The following PRPF38B variants were observed in gnomAD, a reference collection of about 807,000 sequenced individuals.
PRPF38B encodes pre-mRNA-splicing factor 38B.
PRPF38B carries 18 observed loss-of-function variants against 67.2 expected under a neutral mutation model. The observed-to-expected ratio is 0.27, with a 90% CI of 0.19 to 0.40. The LOEUF (loss-of-function observed/expected upper bound fraction) is 0.40. PRPF38B is among the 10% of genes least tolerant of loss of function. The pLI is 1.00. For synonymous variants in PRPF38B, 246 were observed against 234.2 expected (o/e 1.05, Z -0.46); for missense variants, 544 against 684.9 (o/e 0.79, Z 2.30).
rs146753410 is a variant in PRPF38B at position 108,695,170 on chromosome 1, T to G, written c.277-532T>G. The stretch of plus-strand genomic sequence containing the variant: ...TAACTCGTTACTGTTTTAGAAAATT[T>G]TCTTCAAGTAATTTTCCTTAATTTT... On this transcript the variant is annotated intron_variant, in intron 1 of 5. Coordinates refer to ENST00000370025, the MANE Select transcript of PRPF38B (RefSeq NM_018061.4). Among the ~76,000 whole-genome samples, 19 of 152,350 alleles carry G rather than the reference T, an allele frequency of 1.2e-4. 2 individuals are homozygous for G. Among genetic ancestry groups the G allele is most frequent in the African/African-American group, 4.6e-4 (19 of 41,598 alleles).
intron 1 of PRPF38B, 33 bp downstream of exon 1, chr1:108,692,900 A>T: frequency 6.3e-7 from 1 of 1,585,222 alleles, no homozygotes; most frequent in South Asian, 1.1e-5. Flanking sequence ...CTTTGGGGGT[A>T]AGTTCGGAAG....
chr1:108,700,392 T>C lies in PRPF38B; in HGVS notation c.*372T>C, dbSNP rs1660359136. 5.8e-6 allele frequency: 1 copy of C among 172,388 alleles called. No homozygotes were observed. Among genetic ancestry groups the C allele is most frequent in the Admixed American group, 5.7e-5 (1 of 17,540 alleles). The allele number at this position is 172,388 out of a possible 1,614,324, so 10.7% of individuals were successfully genotyped here. A position where few individuals can be genotyped will look rare whatever the true frequency, so the allele number is the denominator to read the frequency against. On this transcript the variant is annotated 3_prime_UTR_variant, in exon 6 of 6. Coordinates refer to ENST00000370025, the MANE Select transcript of PRPF38B (RefSeq NM_018061.4). The stretch of plus-strand genomic sequence containing the variant: ...TTTTTGTTTTGTAGGTGTGGGATTA[T>C]GGTTTGTGTACTGAAGTTAGCATGG...
In PRPF38B at chr1:108,700,204, C is replaced by A; in HGVS notation, c.*184C>A. The A allele has an allele frequency of 1.8e-6, 2 of 1,081,436 alleles. No individual in the cohort carries two copies. Among genetic ancestry groups the A allele is most frequent in the Non-Finnish European group, 2.5e-6 (2 of 805,306 alleles). 67.0% of individuals were successfully genotyped at this position (1,081,436 alleles called of 1,614,324 possible). On this transcript the variant is annotated 3_prime_UTR_variant, in exon 6 of 6. Transcript: ENST00000370025. ...CATTTATTGCATTGGTGTTTTCACC[C>A]AATTGTTAAGTTTGATACATGATGC...
At chr1:108,698,519 C>A in intron 4 of PRPF38B, 85 bp from the exon 5 acceptor site, 1 of 981,220 alleles carries the variant, frequency 1.0e-6, no homozygotes, top group African/African-American at 1.7e-5. Context: ...TATTGAGATT[C>A]CAAAGATGGT....
chr1:108,692,916 G>GT, intron 1 of PRPF38B, 49 bp downstream of exon 1: 1 of 1,561,346 alleles, frequency 6.4e-7, no homozygotes, highest in Non-Finnish European at 8.7e-7. Context: ...GGAAGAGGGG[G>GT]TATGGAGGAA....
intron 5 of PRPF38B, 93 bp from the exon 6 acceptor site, chr1:108,699,069 C>T: frequency 2.0e-6 from 3 of 1,515,790 alleles, no homozygotes; most frequent in Non-Finnish European, 2.6e-6. Flanking sequence ...AGCTTGAGGA[C>T]ATGAATAAAT....
In PRPF38B at chr1:108,698,589, T is replaced by G. The variant is rs1330523289; in HGVS notation, c.559-15T>G. 2 of 1,556,998 alleles carry G rather than the reference T, an allele frequency of 1.3e-6. No homozygotes were observed. Among genetic ancestry groups the G allele is most frequent in the Non-Finnish European group, 1.8e-6 (2 of 1,135,328 alleles). ...ACTTTTTTTGACGGCTAGGGTATCT[T>G]TTGTGTTTCTGTAGGACCTAGATGT... On this transcript the variant is annotated splice_polypyrimidine_tract_variant and intron_variant, in intron 4 of 5. Coordinates refer to ENST00000370025, the MANE Select transcript of PRPF38B (RefSeq NM_018061.4).
rs748578669 is a variant in PRPF38B, at chr1:108,692,657, G to A, written c.66G>A (p.Ala22=). 3.7e-6 allele frequency: 6 copies of A among 1,611,772 alleles called. No homozygotes were observed. Among genetic ancestry groups the A allele is most frequent in the African/African-American group, 2.7e-5 (2 of 74,812 alleles). ...CGCAGCACCAGGCGGCTGCAGCTGC[G>A]GCTCAGCAACAGCAGCAGTGCGGCG... ...SQPQHQAAAA[A]AQQQQQCGGG... Residue 22 remains alanine (A), a synonymous_variant, in exon 1 of 6, where the codon GCG becomes GCA. Coordinates refer to ENST00000370025, the MANE Select transcript of PRPF38B (RefSeq NM_018061.4).
Position 108,692,451 on chromosome 1 carries a change from G to T in PRPF38B, c.-141G>T. The T allele has an allele frequency of 9.6e-7, 1 of 1,037,980 alleles. No individual in the cohort carries two copies. The highest frequency in any genetic ancestry group is 1.4e-6 in the Non-Finnish European group (1 of 738,254). The allele number at this position is 1,037,980 out of a possible 1,614,324, so 64.3% of individuals were successfully genotyped here. A position where few individuals can be genotyped will look rare whatever the true frequency, so the allele number is the denominator to read the frequency against. On this transcript the variant is annotated 5_prime_UTR_variant, in exon 1 of 6. Coordinates refer to ENST00000370025, the MANE Select transcript of PRPF38B (RefSeq NM_018061.4). ...TTGTCGGCGTCGGGTGCCCTCTCTT[G>T]CCCAGCTGGGGCACAGCGAGGCGGC...
At chr1:108,695,867 C>T (rs1344602764) in intron 2 of PRPF38B, 97 bp downstream of exon 2, 2 of 1,418,448 alleles carry the variant, frequency 1.4e-6, no homozygotes, top group Non-Finnish European at 1.9e-6. Context: ...ACTTGAGTGA[C>T]AATTTTTTTA....
intron 4 of PRPF38B, chr1:108,696,583 TTTCTC>T: frequency 1.7e-6 from 1 of 605,234 alleles, no homozygotes; most frequent in East Asian, 2.8e-5. Context: ...ATTGGAAAAT[TTTCTC>T]TTCTTAATTA....
At position 108,701,275 on chromosome 1, in the gene PRPF38B, T is replaced by G. The variant is rs1409995672; in HGVS notation, c.*1255T>G. 6.6e-6 allele frequency: 1 copy of G among 152,646 alleles called. No individual in the cohort carries two copies. The highest frequency in any genetic ancestry group is 2.4e-5 in the African/African-American group (1 of 41,448). The allele number at this position is 152,646 out of a possible 1,614,324, so 9.5% of individuals were successfully genotyped here. On this transcript the variant is annotated 3_prime_UTR_variant, in exon 6 of 6. Transcript: ENST00000370025. ...ATGAAACGTCAGTAGAGTCACACTT[T>G]GTGTACAGGGATGTCTTAGTGCCCA...
Position 108,700,096 on chromosome 1 carries a change from T to C in PRPF38B, c.*76T>C. The C allele has an allele frequency of 6.6e-7, 1 of 1,514,870 alleles. No homozygotes were observed. The highest frequency in any genetic ancestry group is 8.8e-7 in the Non-Finnish European group (1 of 1,137,990). 93.8% of individuals were successfully genotyped at this position (1,514,870 alleles called of 1,614,324 possible). A position where few individuals can be genotyped will look rare whatever the true frequency, so the allele number is the denominator to read the frequency against. Reference sequence around the variant, plus strand: ...GCTTTTTTCCCCCACGTTGAGATTGTGCAGTAGTTCGCACTCCTCAAGCTC... The same window carrying C: ...GCTTTTTTCCCCCACGTTGAGATTGCGCAGTAGTTCGCACTCCTCAAGCTC... On this transcript the variant is annotated 3_prime_UTR_variant, in exon 6 of 6. Transcript: ENST00000370025.
intron 2 of PRPF38B, 70 bp downstream of exon 2, chr1:108,695,840 A>G: frequency 1.3e-6 from 2 of 1,524,392 alleles, no homozygotes; most frequent in Non-Finnish European, 1.8e-6. Context: ...AGAGAACTAG[A>G]GGCCTGTCAA....
Position 108,692,729 on chromosome 1 carries a change from G to T in PRPF38B, c.138G>T (p.Val46=), listed in dbSNP as rs1239377180. 2.5e-6 allele frequency: 4 copies of T among 1,613,788 alleles called. No individual in the cohort carries two copies. The highest frequency in any genetic ancestry group is 1.1e-5 in the South Asian group (1 of 91,088). ...CGGTCTCCGGCAAGCAGGGCAATGT[G>T]CTCCCGCTCTGGGGCAACGAGAAGA... ...KPAVSGKQGN[V]LPLWGNEKTM... The change falls in exon 1 of 6, where the codon GTG becomes GTT. Residue 46 remains valine, a synonymous_variant. Coordinates refer to ENST00000370025, the MANE Select transcript of PRPF38B (RefSeq NM_018061.4).
Position 108,699,885 on chromosome 1 carries a change from A to C in PRPF38B, c.1506A>C (p.Arg502Ser). ...AAGAAAAATCTAGAAAGCGTAGTAGAAGCAAAGAACGTTCCCACAAACGAG... is the reference window on the plus strand; with the variant it reads ...AAGAAAAATCTAGAAAGCGTAGTAGCAGCAAAGAACGTTCCCACAAACGAG... ...PSKEKSRKRS[R>S]SKERSHKRDH... Residue 502 changes from arginine to serine, a missense_variant, in exon 6 of 6, where the codon AGA becomes AGC. Physicochemically the swap from Arg to Ser is moderately radical, Grantham distance 110. Coordinates refer to ENST00000370025, the MANE Select transcript of PRPF38B (RefSeq NM_018061.4). 1 of 1,614,198 alleles carries C rather than the reference A, an allele frequency of 6.2e-7. No homozygotes were observed. The highest frequency in any genetic ancestry group is 8.5e-7 in the Non-Finnish European group (1 of 1,180,024).
Position 108,701,148 on chromosome 1 carries a change from A to G in PRPF38B, c.*1128A>G, listed in dbSNP as rs999198758. The G allele has an allele frequency of 1.3e-5, 2 of 152,688 alleles. No homozygotes were observed. The highest frequency in any genetic ancestry group is 4.8e-5 in the African/African-American group (2 of 41,476). 9.5% of individuals were successfully genotyped at this position (152,688 alleles called of 1,614,324 possible). On this transcript the variant is annotated 3_prime_UTR_variant, in exon 6 of 6. Coordinates refer to ENST00000370025, the MANE Select transcript of PRPF38B (RefSeq NM_018061.4). ...CAACTTGTATTCTGATTACAGAACC[A>G]TCATGAGTGTGGAATAAATACTGGA...
Position 108,692,672 on chromosome 1 carries a change from G to T in PRPF38B, c.81G>T (p.Gln27His). ...CTGCAGCTGCGGCTCAGCAACAGCA[G>T]CAGTGCGGCGGCGGCGGCGCTACCA... ...QAAAAAAQQQ[Q>H]QCGGGGATKP... Residue 27 changes from glutamine (Q) to histidine (H), a missense_variant, in exon 1 of 6, where the codon CAG (glutamine) becomes CAT (histidine). Gln to His is a conservative substitution (Grantham distance 24). This residue lies in a region of PRPF38B where 70 missense variants were observed against 58.4 expected (regional missense o/e 1.20). Coordinates refer to ENST00000370025, the MANE Select transcript of PRPF38B (RefSeq NM_018061.4). The T allele has an allele frequency of 6.2e-7, 1 of 1,612,726 alleles. No individual in the cohort carries two copies. The highest frequency in any genetic ancestry group is 8.5e-7 in the Non-Finnish European group (1 of 1,179,918).
chr1:108,699,020 A>G lies in PRPF38B; in HGVS notation c.783-142A>G, dbSNP rs550444908. 124 of 1,465,674 alleles carry G rather than the reference A, an allele frequency of 8.5e-5. 1 individual carries two copies. In the South Asian group the frequency reaches 1.8e-3, roughly 21 times the overall value. 90.8% of individuals were successfully genotyped at this position (1,465,674 alleles called of 1,614,324 possible). On this transcript the variant is annotated intron_variant, in intron 5 of 5. Transcript: ENST00000370025. ...AATTATGCATCTGTAAATGAGAACAATAAAATTTTTTGCTTTAATGATTCT... is the reference window on the plus strand; with the variant it reads ...AATTATGCATCTGTAAATGAGAACAGTAAAATTTTTTGCTTTAATGATTCT...
Sources: gnomAD v4.1 joint callset for allele counts (sites outside exome capture counted in the v4.1 genomes callset) on GRCh38, gnomAD v4.1.1 for gene constraint, gnomAD v4.1.1 regional missense constraint, MANE v1.5 for transcripts, NCBI Gene and HGNC (gene_info 2026-07-23, HGNC 2026-07-21) for gene names.